The following IRS2 variants were observed in gnomAD, a reference collection of about 807,000 sequenced individuals.
The protein encoded by IRS2 is insulin receptor substrate 2.
Under a neutral mutation model 70.9 loss-of-function variants are expected in IRS2, and 28 were observed. The observed-to-expected ratio is 0.39, with a 90% CI of 0.29 to 0.54. IRS2 has a LOEUF of 0.54. Ranked by LOEUF, IRS2 falls within the 20% of genes least tolerant of loss-of-function variation. IRS2 has a pLI of 0.59. For missense variants in IRS2, 2,081 were observed against 2,024.1 expected (o/e 1.03, Z -0.54); for synonymous variants, 1,217 against 981.9 (o/e 1.24, Z -4.48).
intron 1 of IRS2, among the ~76,000 whole-genome samples, chr13:109,777,190 A>C (rs1003386016): frequency 2.0e-5 from 3 of 152,138 alleles, no homozygotes; most frequent in African/African-American, 7.2e-5. Context: ...TGAAAGAATA[A>C]AGTTACATTT....
rs1182442879 is a variant in IRS2 at position 109,782,029 on chromosome 13, A to AG, written c.4012+12dup. ...TCCTTCCCGCCAGACGCCAAGGCAA[A>AG]GGGCCTCCTCACCTTTCACGATGGT... On this transcript the variant is annotated intron_variant, in intron 1 of 1. Coordinates refer to ENST00000375856, the MANE Select transcript of IRS2 (RefSeq NM_003749.3). The AG allele has an allele frequency of 6.2e-7, 1 of 1,611,818 alleles. No homozygotes were observed. Among genetic ancestry groups the AG allele is most frequent in the Non-Finnish European group, 8.5e-7 (1 of 1,179,638 alleles).
chr13:109,775,759 C>T (rs1594386068), intron 1 of IRS2, among the ~76,000 whole-genome samples: 1 of 80,850 alleles, frequency 1.2e-5, no homozygotes, highest in African/African-American at 3.3e-5. Flanking sequence ...TGGAAACACA[C>T]ACACACACAC....
intron 1 of IRS2, among the ~76,000 whole-genome samples, chr13:109,760,727 G>T (rs990017414): frequency 1.3e-5 from 2 of 152,156 alleles, no homozygotes; most frequent in African/African-American, 4.8e-5. Flanking sequence ...AGAGCTGTCA[G>T]TAAAAGCTCC....
chr13:109,784,290 G>C lies in IRS2; in HGVS notation c.1764C>G (p.Pro588=), dbSNP rs753250335. 6 of 1,598,156 alleles carry C rather than the reference G, an allele frequency of 3.8e-6. No homozygotes were observed. Among genetic ancestry groups the C allele is most frequent in the African/African-American group, 2.7e-5 (2 of 74,794 alleles). The part of the protein sequence containing the change: ...LTTPARQRPV[P]QPSSASLDEY... Reference sequence around the variant, plus strand: ...CATCCAGCGAGGCAGAGGAGGGCTGGGGCACCGGCCGCTGCCGGGCTGGCG... The same window carrying C: ...CATCCAGCGAGGCAGAGGAGGGCTGCGGCACCGGCCGCTGCCGGGCTGGCG... Residue 588 remains proline, a synonymous_variant, in exon 1 of 2, where the codon CCC becomes CCG. Transcript: ENST00000375856. This position sits in a 1 kb window ranked among gnomAD's most constrained non-coding sequence, Gnocchi z 5.2.
At position 109,782,238 on chromosome 13, in the gene IRS2, C is replaced by T. The variant is rs1397142358; in HGVS notation, c.3816G>A (p.Pro1272=). 6 of 1,607,350 alleles carry T rather than the reference C, an allele frequency of 3.7e-6. No homozygotes were observed. Among genetic ancestry groups the T allele is most frequent in the Non-Finnish European group, 5.1e-6 (6 of 1,177,396 alleles). The change falls in exon 1 of 2, where the codon CCG becomes CCA. Residue 1272 remains proline, a synonymous_variant. Coordinates refer to ENST00000375856, the MANE Select transcript of IRS2 (RefSeq NM_003749.3). ...PGLPPQPQPP[P]PPLPQPGDKS... ...TGTCTCCCGGCTGAGGAAGCGGCGG[C>T]GGCGGCGGCTGCGGCTGGGGTGGCA... is the stretch of plus-strand genomic sequence containing the variant.
chr13:109,760,561 A>C (rs944988420), intron 1 of IRS2, among the ~76,000 whole-genome samples: 2 of 152,020 alleles, frequency 1.3e-5, no homozygotes, highest in Non-Finnish European at 2.9e-5. Flanking sequence ...CAGTGTATCC[A>C]CTCCGCATCT....
Position 109,783,252 on chromosome 13 carries a change from G to A in IRS2, c.2802C>T (p.Pro934=), listed in dbSNP as rs1877780739. Residue 934 remains proline, a synonymous_variant, in exon 1 of 2, where the codon CCC becomes CCT. Transcript: ENST00000375856. ...FGEPGARLSP[P]APPLLASAAS... The stretch of plus-strand genomic sequence containing the variant: ...CCGCCGACGCCAGCAGGGGAGGCGC[G>A]GGCGGCGACAGGCGGGCCCCGGGCT... 1.8e-5 allele frequency: 27 copies of A among 1,478,944 alleles called. No homozygotes were observed. The highest frequency in any genetic ancestry group is 2.4e-5 in the Non-Finnish European group (27 of 1,120,322). 91.6% of individuals were successfully genotyped at this position (1,478,944 alleles called of 1,614,324 possible). A position where few individuals can be genotyped will look rare whatever the true frequency, so the allele number is the denominator to read the frequency against.
rs2138932208 is a variant in IRS2 at position 109,783,279 on chromosome 13, G to A, written c.2775C>T (p.Gly925=). 3 of 1,478,256 alleles carry A rather than the reference G, an allele frequency of 2.0e-6. No individual in the cohort carries two copies. The highest frequency in any genetic ancestry group is 1.3e-5 in the South Asian group (1 of 75,702). 91.6% of individuals were successfully genotyped at this position (1,478,256 alleles called of 1,614,324 possible). Residue 925 remains glycine, a synonymous_variant, in exon 1 of 2, where the codon GGC becomes GGT. Coordinates refer to ENST00000375856, the MANE Select transcript of IRS2 (RefSeq NM_003749.3). ...GCGGCGACAGGCGGGCCCCGGGCTC[G>A]CCAAAGTCGATGTTGATGTACTCGC... The part of the protein sequence containing the change: ...SPGEYINIDF[G]EPGARLSPPA...
chr13:109,764,045 C>T (rs1877283529), intron 1 of IRS2, among the ~76,000 whole-genome samples: 1 of 152,332 alleles, frequency 6.6e-6, no homozygotes, highest in African/African-American at 2.4e-5. Flanking sequence ...AGAATCACCA[C>T]GTAGCCTTTA....
intron 1 of IRS2, among the ~76,000 whole-genome samples, chr13:109,776,160 A>T (rs1040753852): frequency 2.3e-5 from 3 of 129,666 alleles, no homozygotes; most frequent in Admixed American, 2.2e-4. Context: ...AAAAAAAAAA[A>T]AGAAAAAAAC....
At chr13:109,775,438 C>T (rs1308036604) in intron 1 of IRS2, among the ~76,000 whole-genome samples, 1 of 151,980 alleles carries the variant, frequency 6.6e-6, no homozygotes, top group Non-Finnish European at 1.5e-5. Flanking sequence ...TCATTCTTAA[C>T]ATAAACATAA....
In IRS2 at chr13:109,783,380, G is replaced by A. The variant is rs776486519; in HGVS notation, c.2674C>T (p.Arg892Cys). ...CTGGGCAGCCCCTCCAGGGACAGGC[G>A]CGTGGGCCTCACCGCCCGGCCGCGC... is the stretch of plus-strand genomic sequence containing the variant. ...GQRGRAVRPT[R>C]LSLEGLPSLP... The change falls in exon 1 of 2, where the codon CGC becomes TGC. Residue 892 changes from arginine to cysteine, a missense_variant. Physicochemically the swap from Arg to Cys is radical, Grantham distance 180. This residue lies in a region of IRS2 where 1,615 missense variants were observed against 1,459.5 expected (regional missense o/e 1.11). Coordinates refer to ENST00000375856, the MANE Select transcript of IRS2 (RefSeq NM_003749.3). 6.0e-5 allele frequency: 91 copies of A among 1,513,232 alleles called. 1 individual carries two copies. In the Admixed American group the frequency reaches 1.8e-3, roughly 29 times the overall value. The allele number at this position is 1,513,232 out of a possible 1,614,324, so 93.7% of individuals were successfully genotyped here.
At chr13:109,774,844 C>T (rs1877536424) in intron 1 of IRS2, among the ~76,000 whole-genome samples, 1 of 152,160 alleles carries the variant, frequency 6.6e-6, no homozygotes, top group African/African-American at 2.4e-5. Context: ...TTGAATTTTA[C>T]ACAACTCTTT....
Position 109,782,169 on chromosome 13 carries a change from G to T in IRS2, c.3885C>A (p.Ser1295Arg). The part of the protein sequence containing the change: ...GRTRSLGGLI[S>R]AVGVGSTGGG... Reference sequence around the variant, plus strand: ...CGCCGGTGCTGCCGACGCCCACAGCGCTGATGAGACCCCCGAGGCTTCGGG... The same window carrying T: ...CGCCGGTGCTGCCGACGCCCACAGCTCTGATGAGACCCCCGAGGCTTCGGG... Residue 1295 changes from serine to arginine, a missense_variant, in exon 1 of 2, where the codon AGC becomes AGA. Ser to Arg is a moderately radical substitution (Grantham distance 110). This residue lies in a region of IRS2 where 1,615 missense variants were observed against 1,459.5 expected (regional missense o/e 1.11). Transcript: ENST00000375856. 1 of 1,604,882 alleles carries T rather than the reference G, an allele frequency of 6.2e-7. No individual in the cohort carries two copies.
intron 1 of IRS2, 78 bp downstream of exon 1, chr13:109,781,964 G>A (rs1358065101): frequency 2.0e-6 from 3 of 1,517,728 alleles, no homozygotes; most frequent in African/African-American, 2.7e-5. Context: ...CAAAAAGTGG[G>A]AGCAGTGAAA....
At chr13:109,771,953 C>A (rs1220378416) in intron 1 of IRS2, among the ~76,000 whole-genome samples, 2 of 152,258 alleles carry the variant, frequency 1.3e-5, no homozygotes, top group Non-Finnish European at 2.9e-5. Flanking sequence ...GGATTATGTG[C>A]ATGGTTTTTA....
rs1464558951 is a variant in IRS2, at chr13:109,782,149, G to C, written c.3905C>G (p.Thr1302Ser). The C allele has an allele frequency of 6.2e-7, 1 of 1,607,096 alleles. No individual in the cohort carries two copies. The highest frequency in any genetic ancestry group is 8.5e-7 in the Non-Finnish European group (1 of 1,177,368). ...ACCCGGCCCCCCGCACCCGCCGCCG[G>C]TGCTGCCGACGCCCACAGCGCTGAT... is the stretch of plus-strand genomic sequence containing the variant. ...GLISAVGVGS[T>S]GGGCGGPGPG... The change falls in exon 1 of 2, where the codon ACC becomes AGC. Residue 1302 changes from threonine to serine, a missense_variant. By Grantham distance (58) the Thr-to-Ser change is moderately conservative. This residue lies in a region of IRS2 where 1,615 missense variants were observed against 1,459.5 expected (regional missense o/e 1.11). Transcript: ENST00000375856.
chr13:109,783,806 T>C lies in IRS2; in HGVS notation c.2248A>G (p.Lys750Glu). 7 of 1,595,638 alleles carry C rather than the reference T, an allele frequency of 4.4e-6. No individual in the cohort carries two copies. The highest frequency in any genetic ancestry group is 6.0e-6 in the Non-Finnish European group (7 of 1,171,630). ...SGYMRMWCGS[K>E]LSMEHADGKL... ...CCATCTGCATGCTCCATGGACAGCTTGGAACCGCACCACATGCGCATGTAC... is the reference window on the plus strand; with the variant it reads ...CCATCTGCATGCTCCATGGACAGCTCGGAACCGCACCACATGCGCATGTAC... Residue 750 changes from lysine to glutamate, a missense_variant, in exon 1 of 2, where the codon AAG becomes GAG. Coordinates refer to ENST00000375856, the MANE Select transcript of IRS2 (RefSeq NM_003749.3).
chr13:109,784,566 G>A lies in IRS2; in HGVS notation c.1488C>T (p.Gly496=). 1 of 1,413,204 alleles carries A rather than the reference G, an allele frequency of 7.1e-7. No individual in the cohort carries two copies. Among genetic ancestry groups the A allele is most frequent in the South Asian group, 1.6e-5 (1 of 63,776 alleles). The allele number at this position is 1,413,204 out of a possible 1,614,324, so 87.5% of individuals were successfully genotyped here. A position where few individuals can be genotyped will look rare whatever the true frequency, so the allele number is the denominator to read the frequency against. Residue 496 remains glycine, a synonymous_variant, in exon 1 of 2, where the codon GGC becomes GGT. Transcript: ENST00000375856. The surrounding 1 kb of genome is among the most constrained non-coding windows in gnomAD (Gnocchi z 5.2). ...AGCCGTACTCGTCCAGGGACATGAA[G>A]CCGGGGTCGCTGGGGGAGCCCGAGG... ...ASASGSPSDP[G]FMSLDEYGSS...
Sources: gnomAD v4.1 joint callset for allele counts (sites outside exome capture counted in the v4.1 genomes callset) on GRCh38, gnomAD v4.1.1 for gene constraint, gnomAD v4.1.1 regional missense constraint, Gnocchi (gnomAD v3.1) non-coding constraint, MANE v1.5 for transcripts, NCBI Gene and HGNC (gene_info 2026-07-23, HGNC 2026-07-21) for gene names.